Variants in DOCK4 observed in about 807,000 individuals in gnomAD.
The protein encoded by DOCK4 is dedicator of cytokinesis protein 4.
A neutral mutation model predicts 268.1 loss-of-function variants in DOCK4; 97 were observed. The observed-to-expected ratio is 0.36, with a 90% CI of 0.31 to 0.43. The LOEUF (loss-of-function observed/expected upper bound fraction) is 0.43. Among genes scored for constraint, DOCK4 ranks in the 20% least tolerant of loss-of-function variants. The pLI is 1.00. For missense variants in DOCK4, 2,145 were observed against 2,455.7 expected (o/e 0.87, Z 2.67); for synonymous variants, 954 against 887.2 (o/e 1.08, Z -1.34).
intron 1 of DOCK4, among the ~76,000 whole-genome samples, chr7:112,203,126 A>T (rs186492560): frequency 5.0e-4 from 76 of 152,310 alleles, no homozygotes; most frequent in Admixed American, 1.5e-3. Context: ...AGACGCTGGG[A>T]CCCAGAAAGG....
rs755841727 is a variant in DOCK4 at position 111,940,244 on chromosome 7, TG to T, written c.845-3del. 68 of 1,613,994 alleles carry T rather than the reference TG, an allele frequency of 4.2e-5. No homozygotes were observed. Among genetic ancestry groups the T allele is most frequent in the Admixed American group, 1.2e-4 (7 of 60,018 alleles). ...TTTTTTCTCCTGCTCCCATTCGACC[TG>T]TTCAATTAAAGAGCAATCATTAACC... On this transcript the variant is annotated splice_region_variant and splice_polypyrimidine_tract_variant and intron_variant, in intron 10 of 52. Coordinates refer to ENST00000428084, the MANE Select transcript of DOCK4 (RefSeq NM_001363540.2).
Position 112,077,994 on chromosome 7 carries a change from T to A in DOCK4, c.38-73863A>T, listed in dbSNP as rs1011525751. Among the ~76,000 whole-genome samples, 5 of 152,230 alleles carry A rather than the reference T, an allele frequency of 3.3e-5. 1 individual carries two copies. Among genetic ancestry groups the A allele is most frequent in the African/African-American group, 9.6e-5 (4 of 41,568 alleles). On this transcript the variant is annotated intron_variant, in intron 1 of 52. Transcript: ENST00000428084. ...AAATACAAGCCTAAGTGAGTAAAAT[T>A]CTATTATATTTATTAAATGTATTGG...
At chr7:111,876,710 G>A (rs1297500408) in intron 17 of DOCK4, among the ~76,000 whole-genome samples, 1 of 150,288 alleles carries the variant, frequency 6.7e-6, no homozygotes, top group East Asian at 1.9e-4. Flanking sequence ...CACTGTTTAT[G>A]GAGCTATAAA....
At chr7:111,743,478 T>A (rs1445927067) in intron 44 of DOCK4, among the ~76,000 whole-genome samples, 1 of 152,026 alleles carries the variant, frequency 6.6e-6, no homozygotes, top group Non-Finnish European at 1.5e-5. Flanking sequence ...ACACTTGGAG[T>A]GCAGTGTGTA....
intron 27 of DOCK4, among the ~76,000 whole-genome samples, chr7:111,814,948 T>A (rs757439695): frequency 6.6e-6 from 1 of 152,198 alleles, no homozygotes; most frequent in Non-Finnish European, 1.5e-5. Context: ...AGTGACACGA[T>A]GACTTTCATT....
At chr7:112,093,479 C>A (rs981528941) in intron 1 of DOCK4, among the ~76,000 whole-genome samples, 1 of 151,980 alleles carries the variant, frequency 6.6e-6, no homozygotes, top group African/African-American at 2.4e-5. Context: ...TAATATATCA[C>A]CACACTGGAG....
At chr7:111,747,536 C>T (rs1796355918) in intron 42 of DOCK4, 93 bp from the exon 43 acceptor site, 2 of 1,279,906 alleles carry the variant, frequency 1.6e-6, no homozygotes, top group East Asian at 2.5e-5. Context: ...TATCTGTGCT[C>T]CCCCTTGGCT....
At chr7:111,874,380 TTAAGTA>T (rs1806671116) in intron 17 of DOCK4, among the ~76,000 whole-genome samples, 1 of 152,016 alleles carries the variant, frequency 6.6e-6, no homozygotes, top group Non-Finnish European at 1.5e-5. Flanking sequence ...TAGGGCCCAT[TTAAGTA>T]GGGCTGGAAA....
At chr7:112,059,600 T>C (rs1806200006) in intron 1 of DOCK4, among the ~76,000 whole-genome samples, 1 of 152,216 alleles carries the variant, frequency 6.6e-6, no homozygotes, top group African/African-American at 2.4e-5. Context: ...ACTCATGACA[T>C]GATAAAATCA....
At chr7:111,772,475 G>A (rs60476893) in intron 36 of DOCK4, among the ~76,000 whole-genome samples, 14,935 of 151,996 alleles carry the variant, frequency 0.098, 1,885 homozygotes, top group African/African-American at 0.29. Flanking sequence ...TGGTTAAGAT[G>A]GTAAATTTTA....
chr7:112,027,976 C>T (rs551386727), intron 1 of DOCK4, among the ~76,000 whole-genome samples: 1 of 152,270 alleles, frequency 6.6e-6, no homozygotes, highest in East Asian at 1.9e-4. Context: ...AAGGTGAGTA[C>T]AGGGCAGTAC....
At chr7:111,802,802 C>T (rs1800400756) in intron 30 of DOCK4, among the ~76,000 whole-genome samples, 1 of 152,142 alleles carries the variant, frequency 6.6e-6, no homozygotes, top group Non-Finnish European at 1.5e-5. Flanking sequence ...AAAATCCATA[C>T]ATCCATCATC....
intron 1 of DOCK4, among the ~76,000 whole-genome samples, chr7:112,180,555 T>G (rs1163706088): frequency 4.6e-5 from 7 of 152,048 alleles, no homozygotes; most frequent in Non-Finnish European, 8.8e-5. Flanking sequence ...CCTTAGAAAA[T>G]CACCTCAGAG....
At chr7:112,116,782 T>C (rs752367490) in intron 1 of DOCK4, among the ~76,000 whole-genome samples, 7 of 152,214 alleles carry the variant, frequency 4.6e-5, no homozygotes, top group Non-Finnish European at 1.0e-4. Context: ...CTCTTTTTTG[T>C]AGAGTCGGCT....
chr7:111,756,098 C>T (rs1195108438), intron 41 of DOCK4, among the ~76,000 whole-genome samples: 1 of 152,168 alleles, frequency 6.6e-6, no homozygotes, highest in African/African-American at 2.4e-5. Context: ...CCTGTAATCC[C>T]AGCACTTTGG....
intron 1 of DOCK4, among the ~76,000 whole-genome samples, chr7:112,079,832 C>G (rs1266907675): frequency 6.6e-6 from 1 of 152,172 alleles, no homozygotes; most frequent in Non-Finnish European, 1.5e-5. Context: ...CACTGGTTAT[C>G]ATTAATAACA....
At chr7:111,823,674 C>A (rs978723581) in intron 26 of DOCK4, among the ~76,000 whole-genome samples, 1 of 152,196 alleles carries the variant, frequency 6.6e-6, no homozygotes, top group Non-Finnish European at 1.5e-5. Flanking sequence ...GATTTATTAA[C>A]TAGAAAACTT....
chr7:112,128,590 G>C (rs1275033659), intron 1 of DOCK4, among the ~76,000 whole-genome samples: 1 of 152,192 alleles, frequency 6.6e-6, no homozygotes, highest in Non-Finnish European at 1.5e-5. Context: ...CTTCTGCCTT[G>C]GGATCCTGTT....
At chr7:111,869,397 A>C (rs527365092) in intron 21 of DOCK4, 177 bp downstream of exon 21, 1 of 596,630 alleles carries the variant, frequency 1.7e-6, no homozygotes, top group Admixed American at 2.3e-5. Flanking sequence ...TACCCTGGCA[A>C]AGTCCCCTTC....
Sources: allele counts gnomAD v4.1 joint callset (sites outside exome capture counted in the v4.1 genomes callset), GRCh38; gene constraint gnomAD v4.1.1; transcripts MANE v1.5; gene names NCBI Gene and HGNC (gene_info 2026-07-23, HGNC 2026-07-21).